TPX2: variants seen among roughly 807,000 people sequenced by gnomAD.
TPX2 encodes TPX2 microtubule nucleation factor.
A neutral mutation model predicts 93.6 loss-of-function variants in TPX2; 21 were observed. That is an observed-to-expected ratio of 0.22 (90% CI 0.16 to 0.32). TPX2 has a LOEUF of 0.32. TPX2 is among the 10% of genes least tolerant of loss of function. TPX2 has a pLI of 1.00. For missense variants in TPX2, 776 were observed against 871.1 expected, an observed-to-expected ratio of 0.89 and a Z score of 1.37; for synonymous variants, 281 against 298.3, an observed-to-expected ratio of 0.94 and a Z score of 0.60.
intron 4 of TPX2, among the ~76,000 whole-genome samples, chr20:31,765,333 C>T (rs1045499377): frequency 1.6e-5 from 2 of 127,924 alleles, no homozygotes; most frequent in Non-Finnish European, 3.3e-5. Flanking sequence ...AAAAAAAAAA[C>T]GTTTATCAAA....
At chr20:31,777,112 T>C (rs972050880) in intron 8 of TPX2, among the ~76,000 whole-genome samples, 2 of 152,210 alleles carry the variant, frequency 1.3e-5, no homozygotes, top group African/African-American at 4.8e-5. Context: ...CTGGAGTTTA[T>C]AGGATTTTCC....
chr20:31,798,963 GTTTAT>G (rs2062154337), intron 17 of TPX2, among the ~76,000 whole-genome samples: 1 of 152,164 alleles, frequency 6.6e-6, no homozygotes, highest in Non-Finnish European at 1.5e-5. Flanking sequence ...TTATTTATTT[GTTTAT>G]TTTATTTATG....
intron 2 of TPX2, among the ~76,000 whole-genome samples, chr20:31,751,837 G>C (rs1022320092): frequency 5.9e-5 from 9 of 152,156 alleles, no homozygotes; most frequent in Admixed American, 2.6e-4. Context: ...TCGCCTCCTG[G>C]GTTCAAGTGA....
chr20:31,794,002 T>G lies in TPX2; in HGVS notation c.1664T>G (p.Ile555Arg). ...KERQLQKEKK[I>R]KELQKGEVPK... ...CGTCAGTTACAGAAGGAGAAGAAAA[T>G]AAAAGAACTGCAGAAAGGGGAGGTA... The change falls in exon 14 of 18, where the codon ATA becomes AGA. Residue 555 changes from isoleucine to arginine, a missense_variant. By Grantham distance (97) the Ile-to-Arg change is moderately conservative. Transcript: ENST00000300403. 1 of 1,612,166 alleles carries G rather than the reference T, an allele frequency of 6.2e-7. No homozygotes were observed.
chr20:31,776,860 T>A (rs974559779), intron 8 of TPX2, among the ~76,000 whole-genome samples: 4 of 152,118 alleles, frequency 2.6e-5, no homozygotes, highest in African/African-American at 9.7e-5. Flanking sequence ...GTTCTTGGTC[T>A]TAGGGAAAAA....
intron 17 of TPX2, among the ~76,000 whole-genome samples, chr20:31,798,951 TTTTA>T: frequency 6.6e-6 from 1 of 152,342 alleles, no homozygotes; most frequent in Admixed American, 6.5e-5. Flanking sequence ...TAGGACTGTT[TTTTA>T]TTTATTTGTT....
chr20:31,785,445 A>G (rs2062059841), intron 12 of TPX2, among the ~76,000 whole-genome samples: 1 of 151,038 alleles, frequency 6.6e-6, no homozygotes, highest in Non-Finnish European at 1.5e-5. Flanking sequence ...AAGAGAAATT[A>G]TTTCTTCAGG....
At chr20:31,776,527 CTT>C in intron 8 of TPX2, among the ~76,000 whole-genome samples, 1 of 145,342 alleles carries the variant, frequency 6.9e-6, no homozygotes. Flanking sequence ...TACTTTCTTT[CTT>C]TTTTTTTTTT....
chr20:31,773,754 T>A (rs1029958892), intron 7 of TPX2, among the ~76,000 whole-genome samples: 6 of 152,240 alleles, frequency 3.9e-5, no homozygotes, highest in African/African-American at 1.4e-4. Context: ...TGTATATATT[T>A]ATACAGTACA....
intron 17 of TPX2, 108 bp downstream of exon 17, chr20:31,798,660 A>G: frequency 1.5e-6 from 2 of 1,328,732 alleles, no homozygotes; most frequent in Non-Finnish European, 2.0e-6. Flanking sequence ...AGGCTGTACC[A>G]AAGACAATGA....
chr20:31,763,269 C>A (rs879416232), intron 4 of TPX2, among the ~76,000 whole-genome samples: 5 of 151,838 alleles, frequency 3.3e-5, no homozygotes, highest in Admixed American at 3.3e-4. Context: ...AACCTCCGCC[C>A]CCCGGGTTCA....
intron 2 of TPX2, among the ~76,000 whole-genome samples, chr20:31,750,733 T>C (rs775828299): frequency 5.3e-5 from 8 of 152,170 alleles, no homozygotes; most frequent in Non-Finnish European, 1.2e-4. Flanking sequence ...TTTGGGTAAG[T>C]TAATAGTCAA....
At chr20:31,777,238 C>T (rs752248187) in intron 8 of TPX2, among the ~76,000 whole-genome samples, 4 of 152,192 alleles carry the variant, frequency 2.6e-5, no homozygotes, top group Admixed American at 6.5e-5. Flanking sequence ...AGATGGGATT[C>T]TTCTACCCTG....
intron 7 of TPX2, 80 bp from the exon 8 acceptor site, chr20:31,775,787 A>G (rs1162818579): frequency 7.5e-7 from 1 of 1,325,652 alleles, no homozygotes; most frequent in African/African-American, 1.5e-5. Context: ...TAAAAATATT[A>G]TATAATGCCT....
intron 12 of TPX2, among the ~76,000 whole-genome samples, chr20:31,791,248 A>T (rs6060951): frequency 0.088 from 13,367 of 152,202 alleles, 661 homozygotes; most frequent in African/African-American, 0.14. Context: ...GGAATTTGTT[A>T]TGCTGTTGTA....
At chr20:31,758,676 C>T (rs940763283) in intron 3 of TPX2, among the ~76,000 whole-genome samples, 2 of 152,068 alleles carry the variant, frequency 1.3e-5, no homozygotes, top group African/African-American at 4.8e-5. Flanking sequence ...AGTGCACTGT[C>T]CAAATGTGTT....
At chr20:31,769,316 C>T (rs1403500581) in intron 5 of TPX2, among the ~76,000 whole-genome samples, 9 of 136,906 alleles carry the variant, frequency 6.6e-5, no homozygotes, top group East Asian at 2.0e-4. Context: ...CTAATGATCA[C>T]GCTTTTTTTT....
At chr20:31,741,754 C>T (rs1297322431) in intron 1 of TPX2, among the ~76,000 whole-genome samples, 1 of 152,084 alleles carries the variant, frequency 6.6e-6, no homozygotes, top group East Asian at 1.9e-4. Context: ...GCTGGGATTA[C>T]AGGTGTGAGC....
rs562691595 is a variant in TPX2, at chr20:31,799,721, G to A, written c.2133+1169G>A. On this transcript the variant is annotated intron_variant, in intron 17 of 17. Transcript: ENST00000300403. ...TGGAGACCAGCCTGGCCAAAATGGC[G>A]AAACTCTGTCTCTACTAAAAATACA... Among the ~76,000 whole-genome samples the A allele has an allele frequency of 2.7e-3, 415 of 151,432 alleles. 1 individual carries two copies. The highest frequency in any genetic ancestry group is 9.8e-3 in the African/African-American group (403 of 41,276).
Sources: allele counts gnomAD v4.1 joint callset (sites outside exome capture counted in the v4.1 genomes callset), GRCh38; gene constraint gnomAD v4.1.1; transcripts MANE v1.5; gene names NCBI Gene and HGNC (gene_info 2026-07-23, HGNC 2026-07-21).